The following DCC variants were observed in gnomAD, a reference collection of about 807,000 sequenced individuals.
DCC encodes netrin receptor DCC.
In DCC, 58 loss-of-function variants were observed where a neutral mutation model predicts 172.5. The observed-to-expected ratio is 0.34, with a 90% CI of 0.27 to 0.42. DCC has a LOEUF of 0.42. DCC is among the 10% of genes least tolerant of loss of function. The probability of loss-of-function intolerance (pLI) is 1.00; values close to 1 mark genes in which losing one functional copy is unlikely to be tolerated. For synonymous variants in DCC, 709 were observed against 644.5 expected (o/e 1.10, Z -1.52); for missense variants, 1,740 against 1,791.0 (o/e 0.97, Z 0.51).
intron 7 of DCC, among the ~76,000 whole-genome samples, chr18:53,082,289 A>G (rs1485891808): frequency 6.6e-6 from 1 of 152,150 alleles, no homozygotes; most frequent in Non-Finnish European, 1.5e-5. Context: ...AATAACAAAA[A>G]TTGTTATATG....
At chr18:53,528,760 C>A (rs1215354179) in intron 28 of DCC, among the ~76,000 whole-genome samples, 1 of 152,024 alleles carries the variant, frequency 6.6e-6, no homozygotes, top group Admixed American at 6.6e-5. Flanking sequence ...TCTCAACATG[C>A]AATAAATATT....
intron 12 of DCC, among the ~76,000 whole-genome samples, chr18:53,218,229 A>T (rs1195136932): frequency 6.6e-6 from 1 of 152,140 alleles, no homozygotes; most frequent in Non-Finnish European, 1.5e-5. Context: ...TCTATATCAT[A>T]TTTGTAAATA....
chr18:52,863,307 T>G (rs1278327107), intron 2 of DCC, among the ~76,000 whole-genome samples: 2 of 151,930 alleles, frequency 1.3e-5, no homozygotes, highest in East Asian at 3.9e-4. Flanking sequence ...TTAATCAGTG[T>G]TGACTCCCAT....
chr18:52,801,733 T>A (rs373583741), intron 2 of DCC, among the ~76,000 whole-genome samples: 3 of 152,218 alleles, frequency 2.0e-5, no homozygotes, highest in East Asian at 1.9e-4. Flanking sequence ...GTTAACATCT[T>A]ACATGACAGT....
intron 5 of DCC, among the ~76,000 whole-genome samples, chr18:52,948,477 A>G (rs2040585071): frequency 6.6e-6 from 1 of 152,198 alleles, no homozygotes; most frequent in African/African-American, 2.4e-5. Flanking sequence ...ATACTGTGCA[A>G]TATATTTCAT....
chr18:52,798,401 A>G (rs1265272072), intron 2 of DCC, among the ~76,000 whole-genome samples: 1 of 152,168 alleles, frequency 6.6e-6, no homozygotes, highest in East Asian at 1.9e-4. Context: ...ACAGAGTCTC[A>G]CTTTGTTGCT....
At chr18:52,948,318 G>A (rs1219898275) in intron 5 of DCC, among the ~76,000 whole-genome samples, 2 of 150,222 alleles carry the variant, frequency 1.3e-5, no homozygotes, top group Non-Finnish European at 2.9e-5. Context: ...GTTGATGTGT[G>A]TGTGTGTGTG....
chr18:52,622,418 C>T (rs1179013058), intron 1 of DCC, among the ~76,000 whole-genome samples: 1 of 152,176 alleles, frequency 6.6e-6, no homozygotes, highest in Non-Finnish European at 1.5e-5. Context: ...GTAGTCCGGA[C>T]TGGGTCCCAA....
At chr18:52,926,863 A>G (rs12962815) in intron 5 of DCC, among the ~76,000 whole-genome samples, 2 of 146,404 alleles carry the variant, frequency 1.4e-5, no homozygotes, top group Non-Finnish European at 3.0e-5. Flanking sequence ...GTGTGTGTGT[A>G]TATATACATA....
intron 1 of DCC, among the ~76,000 whole-genome samples, chr18:52,564,379 C>G (rs2033106406): frequency 6.6e-6 from 1 of 152,034 alleles, no homozygotes; most frequent in African/African-American, 2.4e-5. Context: ...GTGTGGTCCT[C>G]TTGTTCAGAT....
chr18:52,518,635 G>T (rs991574481), intron 1 of DCC, among the ~76,000 whole-genome samples: 2 of 152,154 alleles, frequency 1.3e-5, no homozygotes, highest in Admixed American at 1.3e-4. Context: ...GAATACATGT[G>T]AAATGAGCCG....
intron 27 of DCC, among the ~76,000 whole-genome samples, chr18:53,500,202 A>G (rs1474047276): frequency 6.6e-6 from 1 of 152,072 alleles, no homozygotes; most frequent in Non-Finnish European, 1.5e-5. Flanking sequence ...TGTTTTTGTT[A>G]GGGGTTGAGG....
intron 5 of DCC, among the ~76,000 whole-genome samples, chr18:52,974,498 A>C (rs569457860): frequency 1.8e-4 from 28 of 152,374 alleles, no homozygotes; most frequent in African/African-American, 6.5e-4. Flanking sequence ...ACTTGCAGCA[A>C]ATCAAAACAC....
At chr18:53,222,621 C>A (rs2055958621) in intron 12 of DCC, among the ~76,000 whole-genome samples, 1 of 151,732 alleles carries the variant, frequency 6.6e-6, no homozygotes, top group Non-Finnish European at 1.5e-5. Flanking sequence ...TTCCTGACCT[C>A]GTGATCTGCC....
At chr18:52,939,514 TA>T (rs1266914614) in intron 5 of DCC, among the ~76,000 whole-genome samples, 8 of 152,180 alleles carry the variant, frequency 5.3e-5, no homozygotes, top group African/African-American at 1.9e-4. Flanking sequence ...CAAAAACATA[TA>T]AATAAATAAA....
chr18:53,423,310 C>T, intron 21 of DCC, among the ~76,000 whole-genome samples: 1 of 152,094 alleles, frequency 6.6e-6, no homozygotes, highest in Admixed American at 6.6e-5. Flanking sequence ...TATTTTCTGC[C>T]CACTTCAATC....
chr18:53,410,733 C>T lies in DCC; in HGVS notation c.3130+87C>T, dbSNP rs1157260325. On this transcript the variant is annotated intron_variant, in intron 20 of 28. Transcript: ENST00000442544. Reference sequence around the variant, plus strand: ...ACTCTGTGTTAGAAATGGCCCTGCACCATCTCTATTAGCAACATGGCTGCA... The same window carrying T: ...ACTCTGTGTTAGAAATGGCCCTGCATCATCTCTATTAGCAACATGGCTGCA... 6 of 839,086 alleles carry T rather than the reference C, an allele frequency of 7.2e-6. No homozygotes were observed. The East Asian group carries it at 1.5e-4, about 20-fold the overall frequency. 52.0% of individuals were successfully genotyped at this position (839,086 alleles called of 1,614,324 possible). A position where few individuals can be genotyped will look rare whatever the true frequency, so the allele number is the denominator to read the frequency against.
At chr18:53,170,876 T>G (rs1051488758) in intron 8 of DCC, among the ~76,000 whole-genome samples, 1 of 152,108 alleles carries the variant, frequency 6.6e-6, no homozygotes, top group Admixed American at 6.6e-5. Flanking sequence ...AGGTTTGTTT[T>G]TTGTTGTTGT....
At chr18:52,839,263 G>A (rs541720002) in intron 2 of DCC, among the ~76,000 whole-genome samples, 3 of 152,248 alleles carry the variant, frequency 2.0e-5, no homozygotes, top group East Asian at 3.9e-4. Flanking sequence ...GTGTTTGCAC[G>A]TGTATGTGTG....
Sources: allele counts gnomAD v4.1 joint callset (sites outside exome capture counted in the v4.1 genomes callset), GRCh38; gene constraint gnomAD v4.1.1; transcripts MANE v1.5; gene names NCBI Gene and HGNC (gene_info 2026-07-23, HGNC 2026-07-21).